The following DROSHA variants were observed in gnomAD, a reference collection of about 807,000 sequenced individuals.
DROSHA encodes ribonuclease 3.
In DROSHA, 56 loss-of-function variants were observed where a neutral mutation model predicts 181.9. The ratio of observed to expected loss-of-function variants is 0.31; its 90% CI spans 0.25 to 0.38. The LOEUF (loss-of-function observed/expected upper bound fraction) is 0.38. Ranked by LOEUF, DROSHA falls within the 10% of genes least tolerant of loss-of-function variation. DROSHA has a pLI of 1.00. For synonymous variants in DROSHA, 524 were observed against 591.2 expected (o/e 0.89, Z 1.65); for missense variants, 1,218 against 1,743.5 (o/e 0.70, Z 5.37).
In DROSHA at chr5:31,401,422, A is replaced by G. The variant is rs1236096572; in HGVS notation, c.*10T>C. The stretch of plus-strand genomic sequence containing the variant: ...GAGCAAGTAAATACTCCACACTTGC[A>G]TGCCCTCCTTTATTTCTTGATGTCT... On this transcript the variant is annotated 3_prime_UTR_variant, in exon 36 of 36. Coordinates refer to ENST00000344624, the MANE Select transcript of DROSHA (RefSeq NM_001382508.1). 3 of 1,611,188 alleles carry G rather than the reference A, an allele frequency of 1.9e-6. No individual in the cohort carries two copies. The highest frequency in any genetic ancestry group is 4.5e-5 in the East Asian group (2 of 44,690).
At chr5:31,483,028 A>T (rs1341908123) in intron 16 of DROSHA, among the ~76,000 whole-genome samples, 4 of 152,164 alleles carry the variant, frequency 2.6e-5, no homozygotes, top group Non-Finnish European at 5.9e-5. Flanking sequence ...ATTAGAAAAC[A>T]GTTAAAATAT....
rs1740595390 is a variant in DROSHA, at chr5:31,405,860, T to C, written c.3948-137A>G. 5.5e-6 allele frequency: 4 copies of C among 731,148 alleles called. No individual in the cohort carries two copies. The South Asian group carries it at 8.1e-5, about 15-fold the overall frequency. The allele number at this position is 731,148 out of a possible 1,614,324, so 45.3% of individuals were successfully genotyped here. ...CACGTTCAGTGCATAAAATCTCCTC[T>C]GATTACTTACAGTGTCACACACTGA... On this transcript the variant is annotated intron_variant, in intron 34 of 35. Coordinates refer to ENST00000344624, the MANE Select transcript of DROSHA (RefSeq NM_001382508.1).
chr5:31,413,596 C>T (rs946023263), intron 30 of DROSHA, among the ~76,000 whole-genome samples: 7 of 152,238 alleles, frequency 4.6e-5, no homozygotes, highest in African/African-American at 1.7e-4. Flanking sequence ...CCCGTGCTGA[C>T]AGCTGAAGAT....
intron 27 of DROSHA, among the ~76,000 whole-genome samples, chr5:31,428,298 A>G (rs558148127): frequency 1.3e-5 from 2 of 150,740 alleles, no homozygotes; most frequent in African/African-American, 4.9e-5. Flanking sequence ...TGGGGGAAGG[A>G]GTCTAAAGGG....
intron 11 of DROSHA, among the ~76,000 whole-genome samples, chr5:31,501,399 C>T (rs914437344): frequency 6.6e-6 from 1 of 151,998 alleles, no homozygotes; most frequent in Non-Finnish European, 1.5e-5. Context: ...TGCTACTCAA[C>T]ACTGGGTCCT....
intron 20 of DROSHA, among the ~76,000 whole-genome samples, chr5:31,457,280 C>G (rs1174393222): frequency 6.6e-6 from 1 of 151,880 alleles, no homozygotes; most frequent in Non-Finnish European, 1.5e-5. Flanking sequence ...CACACCACCA[C>G]TCCCGGCTAA....
intron 10 of DROSHA, among the ~76,000 whole-genome samples, 151 bp from the exon 11 acceptor site, chr5:31,504,786 A>C (rs756667263): frequency 2.6e-5 from 4 of 152,206 alleles, no homozygotes; most frequent in Non-Finnish European, 2.9e-5. Context: ...ATGTTCCAAA[A>C]CCAATAAAGC....
At chr5:31,431,715 T>C (rs1744202703) in intron 25 of DROSHA, 37 bp from the exon 26 acceptor site, 1 of 1,607,764 alleles carries the variant, frequency 6.2e-7, no homozygotes. Flanking sequence ...AAGAAAGAGT[T>C]TGCCAAAATC....
chr5:31,416,602 C>T (rs1388091373), intron 30 of DROSHA, among the ~76,000 whole-genome samples: 2 of 152,130 alleles, frequency 1.3e-5, no homozygotes, highest in Non-Finnish European at 2.9e-5. Context: ...GAAAGGACAT[C>T]TAAAGGAAGA....
chr5:31,432,940 A>G (rs1744348729), intron 25 of DROSHA, among the ~76,000 whole-genome samples: 2 of 152,324 alleles, frequency 1.3e-5, no homozygotes, highest in South Asian at 4.1e-4. Context: ...GGAAATCATA[A>G]TTCTTTCCAT....
chr5:31,486,696 C>T, intron 13 of DROSHA, 134 bp from the exon 14 acceptor site: 1 of 664,980 alleles, frequency 1.5e-6, no homozygotes. Context: ...GCTAACAACA[C>T]TGCACATGAA....
intron 6 of DROSHA, among the ~76,000 whole-genome samples, chr5:31,516,943 C>T (rs1739332807): frequency 6.6e-6 from 1 of 152,120 alleles, no homozygotes; most frequent in Non-Finnish European, 1.5e-5. Context: ...AGATTCTTTC[C>T]CAAATGCATA....
At position 31,526,697 on chromosome 5, in the gene DROSHA, A is replaced by G. The variant is rs1296696378; in HGVS notation, c.236T>C (p.Val79Ala). 1.3e-6 allele frequency: 2 copies of G among 1,539,346 alleles called. No individual in the cohort carries two copies. The highest frequency in any genetic ancestry group is 1.3e-5 in the South Asian group (1 of 77,522). Residue 79 changes from valine to alanine, a missense_variant, in exon 5 of 36, where the codon GTA becomes GCA. Physicochemically the swap from Val to Ala is moderately conservative, Grantham distance 64 (BLOSUM62 0). Transcript: ENST00000344624. ...CGGAGGCATGGGTGGGGGGAAGGGT[A>G]CAAAGTCTGGTCGTGGAGGGAGAAA... ...PNFLPPRPDFVPFPPPMPPSA... is the reference protein window; with the variant it reads ...PNFLPPRPDFAPFPPPMPPSA...
At chr5:31,469,072 A>C (rs905541327) in intron 17 of DROSHA, among the ~76,000 whole-genome samples, 1 of 152,238 alleles carries the variant, frequency 6.6e-6, no homozygotes, top group Admixed American at 6.5e-5. Flanking sequence ...AAAAGGGATA[A>C]ACTTGGGTGA....
At chr5:31,426,099 T>A (rs977464417) in intron 27 of DROSHA, among the ~76,000 whole-genome samples, 2 of 152,158 alleles carry the variant, frequency 1.3e-5, no homozygotes, top group Non-Finnish European at 2.9e-5. Context: ...GAAACAAGAC[T>A]GTGATTCCTC....
At chr5:31,494,643 C>T (rs1038877481) in intron 12 of DROSHA, among the ~76,000 whole-genome samples, 10 of 151,802 alleles carry the variant, frequency 6.6e-5, no homozygotes, top group African/African-American at 1.5e-4. Flanking sequence ...AAATAATGAG[C>T]AAAAATGGTA....
rs1183286859 is a variant in DROSHA at position 31,400,680 on chromosome 5, AAC to A, written c.*750_*751del. ...GCTCCCCATGCCCTCTCAAATCTCA[AAC>A]ACACACAGAAAATTGAATATAGTAT... On this transcript the variant is annotated 3_prime_UTR_variant, in exon 36 of 36. Transcript: ENST00000344624. The A allele has an allele frequency of 6.6e-6, 1 of 152,200 alleles. No homozygotes were observed. Among genetic ancestry groups the A allele is most frequent in the East Asian group, 1.9e-4 (1 of 5,202 alleles). The allele number at this position is 152,200 out of a possible 1,614,324, so 9.4% of individuals were successfully genotyped here.
intron 34 of DROSHA, 66 bp from the exon 35 acceptor site, chr5:31,405,789 T>TC (rs1740579978): frequency 3.4e-6 from 4 of 1,191,628 alleles, no homozygotes; most frequent in Non-Finnish European, 1.1e-6. Flanking sequence ...TTTTTTTTTT[T>TC]TTCAAAAAAT....
chr5:31,528,669 C>T (rs1740873027), intron 4 of DROSHA, among the ~76,000 whole-genome samples: 1 of 152,196 alleles, frequency 6.6e-6, no homozygotes, highest in Non-Finnish European at 1.5e-5. Context: ...GGCCTTTCTA[C>T]AACCACTGTC....
Sources: gnomAD v4.1 joint callset for allele counts (sites outside exome capture counted in the v4.1 genomes callset) on GRCh38, gnomAD v4.1.1 for gene constraint, MANE v1.5 for transcripts, NCBI Gene and HGNC (gene_info 2026-07-23, HGNC 2026-07-21) for gene names.